The following NSF variants were observed in gnomAD, a reference collection of about 807,000 sequenced individuals.
NSF encodes vesicle-fusing ATPase.
A neutral mutation model predicts 50.3 loss-of-function variants in NSF; 14 were observed. That is an observed-to-expected ratio of 0.28 (90% CI 0.18 to 0.44). The LOEUF (loss-of-function observed/expected upper bound fraction) is 0.44. NSF is among the 20% of genes least tolerant of loss of function. The pLI, the probability that NSF is intolerant of heterozygous loss-of-function variation, is 1.00. For missense variants in NSF, 218 were observed against 504.3 expected, an observed-to-expected ratio of 0.43 and a Z score of 5.44; for synonymous variants, 109 against 175.7, an observed-to-expected ratio of 0.62 and a Z score of 3.00.
rs1312473647 is a variant in NSF at position 46,736,598 on chromosome 17, T to C, written c.1908+7664T>C. ...TTATAGATTTTCTACAATAAGCATA[T>C]GTTACTTTGATAATCAGGAAAAAAT... On this transcript the variant is annotated intron_variant, in intron 17 of 20. Transcript: ENST00000398238. Among the ~76,000 whole-genome samples, 5 of 152,332 alleles carry C rather than the reference T, an allele frequency of 3.3e-5. No individual in the cohort carries two copies. The Middle Eastern group carries it at 0.017, about 518-fold the overall frequency.
At chr17:46,741,192 G>A (rs1198479932) in intron 17 of NSF, among the ~76,000 whole-genome samples, 1 of 152,154 alleles carries the variant, frequency 6.6e-6, no homozygotes, top group Non-Finnish European at 1.5e-5. Context: ...TCTCACCCCA[G>A]GTTTCTCATC....
intron 17 of NSF, among the ~76,000 whole-genome samples, chr17:46,743,466 C>T (rs143128359): frequency 2.8e-4 from 43 of 152,268 alleles, no homozygotes; most frequent in Admixed American, 1.5e-3. Context: ...ATTTTCTCAT[C>T]GCATATTTAT....
At chr17:46,631,204 T>G (rs1255934841) in intron 4 of NSF, among the ~76,000 whole-genome samples, 1 of 137,026 alleles carries the variant, frequency 7.3e-6, no homozygotes, top group Non-Finnish European at 1.5e-5. Context: ...TTATTTTATT[T>G]TTGAGATGGA....
chr17:46,754,174 C>G (rs1598742797), intron 19 of NSF, among the ~76,000 whole-genome samples: 1 of 121,748 alleles, frequency 8.2e-6, no homozygotes, highest in African/African-American at 3.1e-5. Context: ...TTTTTAAGAA[C>G]TTGACAATTG....
intron 4 of NSF, among the ~76,000 whole-genome samples, chr17:46,636,671 G>A (rs2058191277): frequency 8.2e-6 from 1 of 122,660 alleles, no homozygotes; most frequent in Non-Finnish European, 1.6e-5. Flanking sequence ...TCCCACCTTA[G>A]CTGTTTTTTT....
At chr17:46,713,807 GC>G (rs2058741667) in intron 14 of NSF, 45 bp from the exon 15 acceptor site, 6 of 1,588,830 alleles carry the variant, frequency 3.8e-6, no homozygotes, top group Non-Finnish European at 5.1e-6. Context: ...ATTTCCCTTT[GC>G]TTAGGTTGGC....
intron 8 of NSF, among the ~76,000 whole-genome samples, chr17:46,667,401 A>G (rs1348179936): frequency 6.7e-6 from 1 of 148,566 alleles, no homozygotes; most frequent in Non-Finnish European, 1.5e-5. Flanking sequence ...CTACCTTTCA[A>G]TACTAAAATG....
chr17:46,754,272 C>T (rs2059212336), intron 19 of NSF, among the ~76,000 whole-genome samples: 1 of 149,560 alleles, frequency 6.7e-6, no homozygotes, highest in East Asian at 2.0e-4. Flanking sequence ...AGTCTGACCT[C>T]TTACCTTTGA....
rs2146299500 is a variant in NSF at position 46,730,520 on chromosome 17, C to A, written c.1908+1586C>A. On this transcript the variant is annotated intron_variant, in intron 17 of 20. Coordinates refer to ENST00000398238, the MANE Select transcript of NSF (RefSeq NM_006178.4). ...GAAACTATTAACGAATGATCTGCCACACTAAGATTTAAGAATAATTGTTTC... is the reference window on the plus strand; with the variant it reads ...GAAACTATTAACGAATGATCTGCCAAACTAAGATTTAAGAATAATTGTTTC... 1.3e-5 allele frequency among the ~76,000 whole-genome samples: 2 copies of A among 152,270 alleles called. 1 individual carries two copies. Among genetic ancestry groups the A allele is most frequent in the South Asian group, 4.1e-4 (2 of 4,828 alleles).
At chr17:46,744,679 A>C (rs1053713240) in intron 17 of NSF, among the ~76,000 whole-genome samples, 1 of 152,148 alleles carries the variant, frequency 6.6e-6, no homozygotes, top group East Asian at 1.9e-4. Context: ...ATTGGGTCCA[A>C]TCAATGGGCA....
At chr17:46,751,657 G>C in intron 19 of NSF, 41 bp downstream of exon 19, 1 of 1,296,672 alleles carries the variant, frequency 7.7e-7, no homozygotes, top group Admixed American at 1.8e-5. Context: ...ACAGAACAAA[G>C]CTTCAGGACA....
Position 46,751,613 on chromosome 17 carries a change from A to G in NSF, c.2154A>G (p.Leu718=). The G allele has an allele frequency of 6.2e-7, 1 of 1,602,258 alleles. No homozygotes were observed. The highest frequency in any genetic ancestry group is 8.6e-7 in the Non-Finnish European group (1 of 1,169,392). ...KKLLMLIEMS[L]QMDPEYRVRK... is the part of the protein sequence containing the mutation. Reference sequence around the variant, plus strand: ...TACTAATGCTGATCGAGATGTCCCTACAGGTAAGGTACTTCGTTCTCCGTA... The same window carrying G: ...TACTAATGCTGATCGAGATGTCCCTGCAGGTAAGGTACTTCGTTCTCCGTA... Residue 718 remains leucine, a synonymous_variant, in exon 19 of 21, where the codon CTA becomes CTG. Coordinates refer to ENST00000398238, the MANE Select transcript of NSF (RefSeq NM_006178.4).
chr17:46,731,361 T>C (rs2058947223), intron 17 of NSF, among the ~76,000 whole-genome samples: 1 of 152,248 alleles, frequency 6.6e-6, no homozygotes, highest in South Asian at 2.1e-4. Flanking sequence ...AGAGGGTCAC[T>C]GCTAATGGGT....
At chr17:46,736,752 G>T (rs1013731993) in intron 17 of NSF, among the ~76,000 whole-genome samples, 2 of 152,280 alleles carry the variant, frequency 1.3e-5, no homozygotes, top group Middle Eastern at 3.4e-3. Context: ...ATCTAAGCTT[G>T]TCTATGTATA....
At chr17:46,696,416 C>T (rs2058595656) in intron 12 of NSF, among the ~76,000 whole-genome samples, 2 of 140,472 alleles carry the variant, frequency 1.4e-5, no homozygotes, top group African/African-American at 2.9e-5. Context: ...AGAGTGAACT[C>T]ATGTCAGATA....
chr17:46,754,872 A>G (rs536154632), intron 19 of NSF, among the ~76,000 whole-genome samples: 2 of 152,376 alleles, frequency 1.3e-5, no homozygotes, highest in South Asian at 2.1e-4. Flanking sequence ...TTGGTTATGT[A>G]GAGTTAATAA....
chr17:46,736,569 T>C (rs1009391504), intron 17 of NSF, among the ~76,000 whole-genome samples: 2 of 152,212 alleles, frequency 1.3e-5, no homozygotes, highest in African/African-American at 4.8e-5. Flanking sequence ...TTGTTTCCTG[T>C]ACTTTATAGA....
intron 9 of NSF, among the ~76,000 whole-genome samples, chr17:46,678,499 G>A (rs1460180750): frequency 1.3e-5 from 2 of 151,524 alleles, no homozygotes; most frequent in African/African-American, 2.4e-5. Flanking sequence ...GAGAGAGAGA[G>A]AGAGAGAGAG....
At chr17:46,754,216 A>T (rs1295651656) in intron 19 of NSF, among the ~76,000 whole-genome samples, 1 of 151,772 alleles carries the variant, frequency 6.6e-6, no homozygotes, top group Non-Finnish European at 1.5e-5. Flanking sequence ...CAAAAAGGAA[A>T]AATGTTTCTT....
Sources: allele counts gnomAD v4.1 joint callset (sites outside exome capture counted in the v4.1 genomes callset), GRCh38; gene constraint gnomAD v4.1.1; transcripts MANE v1.5; gene names NCBI Gene and HGNC (gene_info 2026-07-23, HGNC 2026-07-21).